The following DENND1A variants were observed in gnomAD, a reference collection of about 807,000 sequenced individuals.
DENND1A encodes the protein DENN domain containing 1A.
DENND1A carries 51 observed loss-of-function variants against 113.7 expected under a neutral mutation model. That is an observed-to-expected ratio of 0.45 (90% CI 0.36 to 0.57). The LOEUF (loss-of-function observed/expected upper bound fraction) is 0.57, where lower values mean the gene tolerates loss of function less well. Among genes scored for constraint, DENND1A ranks in the 20% least tolerant of loss-of-function variants. DENND1A has a pLI of 0.00. For synonymous variants in DENND1A, 565 were observed against 570.8 expected, an observed-to-expected ratio of 0.99 and a Z score of 0.14; for missense variants, 1,258 against 1,395.9, an observed-to-expected ratio of 0.90 and a Z score of 1.57.
rs185960123 is a variant in DENND1A, at chr9:123,631,204, C to T, written c.619-728G>A. 3.9e-4 allele frequency among the ~76,000 whole-genome samples: 59 copies of T among 152,294 alleles called. 1 individual carries two copies. In the East Asian group the frequency reaches 5.2e-3, roughly 13 times the overall value. On this transcript the variant is annotated intron_variant, in intron 9 of 23. Transcript: ENST00000394215. ...ACCCCCGACCCCCAGCCATACACCA[C>T]GATTCTGGCCTCCCTGCCCCTCACC...
chr9:123,789,899 T>C (rs944085869), intron 3 of DENND1A, among the ~76,000 whole-genome samples: 9 of 152,132 alleles, frequency 5.9e-5, no homozygotes, highest in Non-Finnish European at 2.9e-5. Context: ...CTCTGATCAA[T>C]GTGCTGGTAC....
intron 4 of DENND1A, among the ~76,000 whole-genome samples, chr9:123,762,771 G>T (rs2071148808): frequency 6.6e-6 from 1 of 152,182 alleles, no homozygotes; most frequent in Admixed American, 6.5e-5. Context: ...AAAATGGAAG[G>T]GAAGGAAAGG....
intron 12 of DENND1A, among the ~76,000 whole-genome samples, chr9:123,576,593 G>T (rs554059921): frequency 6.6e-6 from 1 of 152,144 alleles, no homozygotes; most frequent in Non-Finnish European, 1.5e-5. Context: ...CTGCCTCCTG[G>T]GTTCAAGCGA....
chr9:123,902,084 C>T (rs1004576813), intron 1 of DENND1A, among the ~76,000 whole-genome samples: 1 of 151,720 alleles, frequency 6.6e-6, no homozygotes, highest in Admixed American at 6.6e-5. Context: ...CCCTCATGAC[C>T]TCTCTTCTAT....
chr9:123,901,095 T>C (rs1307724011), intron 1 of DENND1A, among the ~76,000 whole-genome samples: 3 of 152,208 alleles, frequency 2.0e-5, no homozygotes, highest in African/African-American at 7.2e-5. Flanking sequence ...GATTTTAATC[T>C]GGAAGCATGG....
chr9:123,593,026 T>G (rs777575023), intron 11 of DENND1A, among the ~76,000 whole-genome samples: 2 of 152,194 alleles, frequency 1.3e-5, no homozygotes. Context: ...AGTGACTCAA[T>G]TGAGATTCTA....
chr9:123,762,233 G>A (rs1464775109), intron 4 of DENND1A, among the ~76,000 whole-genome samples: 1 of 152,164 alleles, frequency 6.6e-6, no homozygotes. Flanking sequence ...CTAAGCTAGG[G>A]AGACCACATT....
chr9:123,470,732 A>G (rs549912931), intron 13 of DENND1A, among the ~76,000 whole-genome samples: 31 of 152,298 alleles, frequency 2.0e-4, no homozygotes, highest in African/African-American at 7.0e-4. Flanking sequence ...GGCCCCCCTG[A>G]AGGTGTGCTG....
intron 12 of DENND1A, among the ~76,000 whole-genome samples, chr9:123,579,837 A>G (rs916700744): frequency 1.3e-5 from 2 of 152,224 alleles, no homozygotes; most frequent in African/African-American, 4.8e-5. Flanking sequence ...TTCCATTGAA[A>G]TACAATAAAT....
At chr9:123,487,859 G>A (rs868295036) in intron 13 of DENND1A, among the ~76,000 whole-genome samples, 1 of 152,246 alleles carries the variant, frequency 6.6e-6, no homozygotes, top group Non-Finnish European at 1.5e-5. Flanking sequence ...CTATTTTACA[G>A]GTGAAGAACA....
At chr9:123,876,747 A>T (rs978943910) in intron 2 of DENND1A, among the ~76,000 whole-genome samples, 17 of 152,244 alleles carry the variant, frequency 1.1e-4, no homozygotes, top group African/African-American at 3.4e-4. Flanking sequence ...AGGAAAATAA[A>T]TCATATTAAA....
intron 2 of DENND1A, among the ~76,000 whole-genome samples, chr9:123,806,374 G>A (rs1269057506): frequency 6.6e-6 from 1 of 152,122 alleles, no homozygotes. Context: ...TCCCGCCTCA[G>A]CCTCCCCGAG....
chr9:123,381,512 C>G lies in DENND1A; in HGVS notation c.3133G>C (p.Asp1045His). ...FEDLLQKTKQ[D>H]VSPSPALAPA... ...GCCAGGGCCGGACTCGGGCTCACGT[C>G]TTGCTTGGTTTTCTGTAACAAATCC... Residue 1045 changes from aspartate (D) to histidine (H), a missense_variant, in exon 24 of 24, where the codon GAC becomes CAC. Physicochemically the swap from Asp to His is moderately conservative, Grantham distance 81. Coordinates refer to ENST00000394215, the MANE Select transcript of DENND1A (RefSeq NM_001352964.2). The surrounding 1 kb of genome is among the most constrained non-coding windows in gnomAD (Gnocchi z 4.7). 1 of 1,613,564 alleles carries G rather than the reference C, an allele frequency of 6.2e-7. No homozygotes were observed. Among genetic ancestry groups the G allele is most frequent in the Non-Finnish European group, 8.5e-7 (1 of 1,179,918 alleles).
At chr9:123,408,277 T>A (rs1284106946) in intron 20 of DENND1A, among the ~76,000 whole-genome samples, 1 of 152,164 alleles carries the variant, frequency 6.6e-6, no homozygotes, top group African/African-American at 2.4e-5. Flanking sequence ...TCCCACCTAG[T>A]CTGTAGCAGT....
intron 19 of DENND1A, chr9:123,414,274 G>A (rs34316116): frequency 0.096 from 126,826 of 1,327,660 alleles, 6,422 homozygotes; most frequent in African/African-American, 0.15. Flanking sequence ...GATGATGGAC[G>A]TCAGGTTCTT....
At chr9:123,731,208 A>G (rs1323739975) in intron 5 of DENND1A, among the ~76,000 whole-genome samples, 1 of 152,222 alleles carries the variant, frequency 6.6e-6, no homozygotes, top group East Asian at 1.9e-4. Context: ...ATACCTATGT[A>G]ACAAACCTGC....
In DENND1A at chr9:123,676,062, T is replaced by C. The variant is rs147069517; in HGVS notation, c.372+658A>G. 2.9e-3 allele frequency among the ~76,000 whole-genome samples: 442 copies of C among 152,338 alleles called. 1 individual carries two copies. The highest frequency in any genetic ancestry group is 3.8e-3 in the Non-Finnish European group (260 of 68,032). ...CCATGAAAAATATTTATAACATTTT[T>C]AATAGTGTGGGAGGCATGCTCATTA... is the stretch of plus-strand genomic sequence containing the variant. On this transcript the variant is annotated intron_variant, in intron 6 of 23. Transcript: ENST00000394215.
chr9:123,564,154 A>C (rs1375240970), intron 12 of DENND1A, among the ~76,000 whole-genome samples: 1 of 152,240 alleles, frequency 6.6e-6, no homozygotes, highest in African/African-American at 2.4e-5. Context: ...CCTATTCTTT[A>C]GCCCTTTATA....
intron 12 of DENND1A, among the ~76,000 whole-genome samples, chr9:123,559,935 T>C (rs1480121186): frequency 2.6e-5 from 4 of 152,216 alleles, no homozygotes; most frequent in Non-Finnish European, 4.4e-5. Context: ...GAATTAACAA[T>C]AGGTAGTCTT....
Sources: gnomAD v4.1 joint callset for allele counts (sites outside exome capture counted in the v4.1 genomes callset) on GRCh38, gnomAD v4.1.1 for gene constraint, Gnocchi (gnomAD v3.1) non-coding constraint, MANE v1.5 for transcripts, NCBI Gene and HGNC (gene_info 2026-07-23, HGNC 2026-07-21) for gene names.